Variants in CENPF observed in about 807,000 individuals in gnomAD.
CENPF encodes AH antigen.
Under a neutral mutation model 307.3 loss-of-function variants are expected in CENPF, and 214 were observed. That is an observed-to-expected ratio of 0.70 (90% confidence interval 0.62 to 0.78). The LOEUF (loss-of-function observed/expected upper bound fraction) is 0.78. CENPF is among the 30% of genes least tolerant of loss of function. The pLI is 0.00. For missense variants in CENPF, 3,401 were observed against 3,483.9 expected (o/e 0.98, Z 0.60); for synonymous variants, 1,259 against 1,270.6 (o/e 0.99, Z 0.19).
chr1:214,652,917 G>C lies in CENPF; in HGVS notation c.8250G>C (p.Lys2750Asn). 6.2e-7 allele frequency: 1 copy of C among 1,608,586 alleles called. No individual in the cohort carries two copies. The highest frequency in any genetic ancestry group is 1.1e-5 in the South Asian group (1 of 89,428). ...AGAAGCTGGAGATAGACCTTTTAAA[G>C]TCTAGTAAAGAAGAGCTCAATAATT... ...SSQKLEIDLL[K>N]SSKEELNNSL... Residue 2750 changes from lysine to asparagine, a missense_variant, in exon 16 of 20, where the codon AAG becomes AAC. Physicochemically the swap from Lys to Asn is moderately conservative, Grantham distance 94 (BLOSUM62 0). Transcript: ENST00000366955.
intron 11 of CENPF, among the ~76,000 whole-genome samples, chr1:214,639,000 G>T (rs1235194220): frequency 6.6e-6 from 1 of 152,186 alleles, no homozygotes; most frequent in Non-Finnish European, 1.5e-5. Context: ...AGCCCTTGTG[G>T]TGCTGTCTAC....
Position 214,642,601 on chromosome 1 carries a change from A to G in CENPF, c.4263A>G (p.Leu1421=), listed in dbSNP as rs777223827. The stretch of plus-strand genomic sequence containing the variant: ...CTTTACAAAGTGAACACAAAATTTT[A>G]CATGATCAGCACTGTCAGATGAGCT... ...FLSLQSEHKI[L]HDQHCQMSSK... is the part of the protein sequence containing the mutation. Residue 1421 remains leucine, a synonymous_variant, in exon 12 of 20, where the codon TTA becomes TTG. Transcript: ENST00000366955. 2.7e-5 allele frequency: 44 copies of G among 1,609,040 alleles called. No individual in the cohort carries two copies. In the South Asian group the frequency reaches 4.3e-4, roughly 16 times the overall value.
chr1:214,614,870 G>A lies in CENPF; in HGVS notation c.201G>A (p.Arg67=). ...NEKTEGTNLK[R]ENQRLMEICE... ...AAACCGAGGGTACAAACCTGAAAAGGGAGAATCAAAGATTGATGGAAATAT... is the reference window on the plus strand; with the variant it reads ...AAACCGAGGGTACAAACCTGAAAAGAGAGAATCAAAGATTGATGGAAATAT... Residue 67 remains arginine (R), a synonymous_variant, in exon 3 of 20, where the codon AGG becomes AGA. Coordinates refer to ENST00000366955, the MANE Select transcript of CENPF (RefSeq NM_016343.4). 6.2e-7 allele frequency: 1 copy of A among 1,603,328 alleles called. No individual in the cohort carries two copies. Among genetic ancestry groups the A allele is most frequent in the South Asian group, 1.1e-5 (1 of 88,096 alleles).
At chr1:214,617,869 A>G (rs1031257786) in intron 3 of CENPF, among the ~76,000 whole-genome samples, 3 of 152,188 alleles carry the variant, frequency 2.0e-5, no homozygotes, top group Admixed American at 2.0e-4. Flanking sequence ...TGCTTGGAAT[A>G]TATTCCAATC....
chr1:214,618,620 A>C lies in CENPF; in HGVS notation c.407A>C (p.Asp136Ala). Reference protein sequence around the residue: ...ERSQQAAQSADVSLNPCNTPQ... With the variant: ...ERSQQAAQSAAVSLNPCNTPQ... Reference sequence around the variant, plus strand: ...AGCCAACAAGCTGCGCAGTCTGCAGATGTCTCTCTGAATCCATGCAATACA... The same window carrying C: ...AGCCAACAAGCTGCGCAGTCTGCAGCTGTCTCTCTGAATCCATGCAATACA... Residue 136 changes from aspartate (D) to alanine (A), a missense_variant, in exon 4 of 20, where the codon GAT becomes GCT. Physicochemically the swap from Asp to Ala is moderately radical, Grantham distance 126 (BLOSUM62 -2). Transcript: ENST00000366955. 3 of 1,614,162 alleles carry C rather than the reference A, an allele frequency of 1.9e-6. No individual in the cohort carries two copies. The highest frequency in any genetic ancestry group is 2.5e-6 in the Non-Finnish European group (3 of 1,180,006).
At position 214,643,152 on chromosome 1, in the gene CENPF, A is replaced by G. The variant is rs1658179924; in HGVS notation, c.4814A>G (p.Glu1605Gly). ...LDCLRKQYLS[E>G]NEQWQQKLTS... ...TGCCTTAGGAAGCAGTATTTGTCAG[A>G]AAATGAACAGTGGCAACAGAAGCTG... The change falls in exon 12 of 20, where the codon GAA becomes GGA. Residue 1605 changes from glutamate to glycine, a missense_variant. Physicochemically the swap from Glu to Gly is moderately conservative, Grantham distance 98. Transcript: ENST00000366955. The G allele has an allele frequency of 6.3e-7, 1 of 1,598,894 alleles. No homozygotes were observed. Among genetic ancestry groups the G allele is most frequent in the African/African-American group, 1.4e-5 (1 of 73,700 alleles).
At position 214,645,092 on chromosome 1, in the gene CENPF, A is replaced by G. The variant is rs768251510; in HGVS notation, c.5522A>G (p.Asp1841Gly). The change falls in exon 13 of 20, where the codon GAT becomes GGT. Residue 1841 changes from aspartate to glycine, a missense_variant. Transcript: ENST00000366955. The stretch of plus-strand genomic sequence containing the variant: ...GGGGAACTTAAGAAAGAAAACTCAG[A>G]TTTAAGTGAAAAATTGGAATATTTT... ...IVGELKKENS[D>G]LSEKLEYFSC... 6.2e-7 allele frequency: 1 copy of G among 1,612,998 alleles called. No homozygotes were observed. Among genetic ancestry groups the G allele is most frequent in the African/African-American group, 1.3e-5 (1 of 74,812 alleles).
chr1:214,616,831 CTTCCTCTTTCTTTCT>C (rs1657351832), intron 3 of CENPF, among the ~76,000 whole-genome samples: 22 of 145,298 alleles, frequency 1.5e-4, no homozygotes, highest in African/African-American at 5.5e-4. Context: ...TCTTTCCTTC[CTTCCTCTTTCTTTCT>C]TTCTTTCTTT....
At chr1:214,616,999 T>A (rs1054658479) in intron 3 of CENPF, among the ~76,000 whole-genome samples, 8 of 136,412 alleles carry the variant, frequency 5.9e-5, no homozygotes, top group African/African-American at 2.1e-4. Context: ...TCTCTCTTTC[T>A]CTCTTTCTTT....
intron 13 of CENPF, chr1:214,648,378 A>G: frequency 4.0e-6 from 2 of 504,868 alleles, no homozygotes; most frequent in Non-Finnish European, 7.4e-6. Flanking sequence ...TTGATGTTTA[A>G]GTTTAATTCA....
chr1:214,623,495 C>T (rs77577856), intron 7 of CENPF, among the ~76,000 whole-genome samples: 3,312 of 152,238 alleles, frequency 0.022, 59 homozygotes, highest in African/African-American at 0.048. Flanking sequence ...ACACCCACCA[C>T]TGAATCTTCT....
In CENPF at chr1:214,640,117, A is replaced by G. The variant is rs1015235462; in HGVS notation, c.1779A>G (p.Lys593=). 6 of 1,586,744 alleles carry G rather than the reference A, an allele frequency of 3.8e-6. No homozygotes were observed. In the African/African-American group the frequency reaches 8.2e-5, roughly 22 times the overall value. The change falls in exon 12 of 20, where the codon AAA becomes AAG. Residue 593 remains lysine, a synonymous_variant. Transcript: ENST00000366955. ...QLNDKLSKTE[K]ESKALLSALE... ...ATGATAAGTTAAGCAAGACAGAGAA[A>G]GAGTCCAAAGCCTTGCTGAGTGCTT... is the stretch of plus-strand genomic sequence containing the variant.
chr1:214,603,715 TTTATTGAGTAGATGTAAGC>T (rs1656949114), intron 1 of CENPF: 1 of 152,174 alleles, frequency 6.6e-6, no homozygotes, highest in Non-Finnish European at 1.5e-5. Context: ...GGTCCTTTGT[TTTATTGAGTAGATGTAAGC>T]TTGAGTTTTG....
chr1:214,620,767 C>G lies in CENPF; in HGVS notation c.686C>G (p.Ser229Ter), dbSNP rs750276389. 1 of 1,614,018 alleles carries G rather than the reference C, an allele frequency of 6.2e-7. No individual in the cohort carries two copies. The highest frequency in any genetic ancestry group is 8.5e-7 in the Non-Finnish European group (1 of 1,180,010). ...WQQEKTPSHLSSNSQRTPIRR... is the reference protein window; with the variant it reads ...WQQEKTPSHL ...CAAGAGAAGACCCCAAGTCATCTTT[C>G]ATCTAATTCTCAAAGAACTCCAATT... Residue 229 changes from serine to a stop codon, truncating the protein, a stop_gained, in exon 6 of 20, where the codon TCA (serine) becomes TGA (stop). Transcript: ENST00000366955. LOFTEE classifies it high-confidence loss of function.
Position 214,620,696 on chromosome 1 carries a change from C to T in CENPF, c.615C>T (p.Arg205=), listed in dbSNP as rs780975553. ...TTCCACAAGCCACCATGAATCACCG[C>T]GACATTGCCCGGCATCAGGCTTCAT... is the stretch of plus-strand genomic sequence containing the variant. ...QTLPQATMNH[R]DIARHQASSS... Residue 205 remains arginine (R), a synonymous_variant, in exon 6 of 20, where the codon CGC becomes CGT. Coordinates refer to ENST00000366955, the MANE Select transcript of CENPF (RefSeq NM_016343.4). The T allele has an allele frequency of 1.7e-5, 28 of 1,613,972 alleles. No homozygotes were observed. The highest frequency in any genetic ancestry group is 5.5e-5 in the South Asian group (5 of 91,066).
At chr1:214,616,833 T>C (rs1657352699) in intron 3 of CENPF, among the ~76,000 whole-genome samples, 1 of 147,810 alleles carries the variant, frequency 6.8e-6, no homozygotes. Context: ...TTTCCTTCCT[T>C]CCTCTTTCTT....
rs1658301848 is a variant in CENPF, at chr1:214,646,405, C to T, written c.6835C>T (p.Gln2279Ter). ...NEAVAALCGD[Q>*]EIMKATEQSL... ...GGCAGTAGCAGCCTTGTGTGGTGAC[C>T]AAGAAATTATGAAGGCCACAGAACA... is the stretch of plus-strand genomic sequence containing the variant. The change falls in exon 13 of 20, where the codon CAA (glutamine) becomes TAA (stop). Residue 2279 changes from glutamine to a stop codon, truncating the protein, a stop_gained. Coordinates refer to ENST00000366955, the MANE Select transcript of CENPF (RefSeq NM_016343.4). LOFTEE classifies it high-confidence loss of function. The T allele has an allele frequency of 1.2e-6, 2 of 1,613,858 alleles. No individual in the cohort carries two copies. Among genetic ancestry groups the T allele is most frequent in the Non-Finnish European group, 1.7e-6 (2 of 1,179,962 alleles).
intron 7 of CENPF, among the ~76,000 whole-genome samples, chr1:214,623,079 T>G (rs532733836): frequency 5.1e-4 from 77 of 152,198 alleles, no homozygotes; most frequent in Middle Eastern, 6.8e-3. Flanking sequence ...GGTGTGGTGG[T>G]GCACACCTGT....
chr1:214,633,564 A>G (rs75753836), intron 10 of CENPF, among the ~76,000 whole-genome samples: 4,522 of 152,328 alleles, frequency 0.03, 101 homozygotes, highest in Middle Eastern at 0.088. Flanking sequence ...TCCATAAAGA[A>G]CAGTTATTTG....
Sources: gnomAD v4.1 joint callset for allele counts (sites outside exome capture counted in the v4.1 genomes callset) on GRCh38, gnomAD v4.1.1 for gene constraint, MANE v1.5 for transcripts, NCBI Gene and HGNC (gene_info 2026-07-23, HGNC 2026-07-21) for gene names.